Variants in SOS1 observed in about 807,000 individuals in gnomAD.
SOS1 encodes the protein SOS Ras/Rac guanine nucleotide exchange factor 1, also known as son of sevenless homolog 1.
A neutral mutation model predicts 157.6 loss-of-function variants in SOS1; 25 were observed. The observed-to-expected ratio is 0.16, with a 90% CI of 0.12 to 0.22. SOS1 has a LOEUF of 0.22. SOS1 is among the 10% of genes least tolerant of loss of function. The pLI, the probability that SOS1 is intolerant of heterozygous loss-of-function variation, is 1.00. For missense variants in SOS1, 1,237 were observed against 1,599.1 expected (o/e 0.77, Z 3.86); for synonymous variants, 528 against 534.0 (o/e 0.99, Z 0.16).
chr2:39,049,963 G>A (rs1242335778), intron 6 of SOS1, among the ~76,000 whole-genome samples: 2 of 152,148 alleles, frequency 1.3e-5, no homozygotes, highest in Non-Finnish European at 2.9e-5. Flanking sequence ...GTCCTTAACA[G>A]CCTGAACACC....
At chr2:39,046,096 G>A (rs1193905030) in intron 6 of SOS1, among the ~76,000 whole-genome samples, 1 of 152,134 alleles carries the variant, frequency 6.6e-6, no homozygotes, top group African/African-American at 2.4e-5. Context: ...AGTTACTAAT[G>A]TAGTTGGATT....
At chr2:39,097,184 G>C (rs760620301) in intron 1 of SOS1, among the ~76,000 whole-genome samples, 1 of 152,084 alleles carries the variant, frequency 6.6e-6, no homozygotes, top group Admixed American at 6.6e-5. Context: ...AGTTTTAAAA[G>C]AAATCCAACA....
At chr2:39,064,832 T>C (rs1370703035) in intron 2 of SOS1, among the ~76,000 whole-genome samples, 1 of 130,230 alleles carries the variant, frequency 7.7e-6, no homozygotes. Context: ...CACTGCAACT[T>C]CTGCCTCCCG....
intron 6 of SOS1, among the ~76,000 whole-genome samples, chr2:39,047,702 G>A (rs561421611): frequency 2.6e-5 from 4 of 152,270 alleles, no homozygotes; most frequent in East Asian, 1.9e-4. Flanking sequence ...AGACAGTCTC[G>A]CTCTGTCGCC....
At chr2:39,062,442 A>AT (rs1166999004) in intron 2 of SOS1, among the ~76,000 whole-genome samples, 1 of 150,280 alleles carries the variant, frequency 6.7e-6, no homozygotes, top group Non-Finnish European at 1.5e-5. Context: ...AATTAAAAAA[A>AT]AAAAGAAAAG....
Position 39,058,663 on chromosome 2 carries a change from TCAG to T in SOS1, c.345+7_345+9del, listed in dbSNP as rs778586670. The T allele has an allele frequency of 5.6e-6, 9 of 1,612,172 alleles. No individual in the cohort carries two copies. In the Admixed American group the frequency reaches 1.3e-4, roughly 24 times the overall value. ...CCTTAAAAGGCAAGAAGGCAGTAGT[TCAG>T]CATTACCTTTAATAAAGGATGAATT... On this transcript the variant is annotated splice_region_variant and intron_variant, in intron 3 of 22. Coordinates refer to ENST00000402219, the MANE Select transcript of SOS1 (RefSeq NM_005633.4).
intron 1 of SOS1, among the ~76,000 whole-genome samples, chr2:39,083,430 A>G (rs1016623948): frequency 3.9e-5 from 6 of 152,218 alleles, no homozygotes; most frequent in Non-Finnish European, 8.8e-5. Flanking sequence ...CAAATGTTGC[A>G]AAACGCAAAC....
At chr2:38,996,432 C>T (rs1452912541) in intron 19 of SOS1, among the ~76,000 whole-genome samples, 1 of 152,116 alleles carries the variant, frequency 6.6e-6, no homozygotes, top group African/African-American at 2.4e-5. Flanking sequence ...ATAGTCAAAT[C>T]AGTGAGTTGG....
At chr2:39,002,045 A>T (rs1004541105) in intron 17 of SOS1, among the ~76,000 whole-genome samples, 3 of 152,194 alleles carry the variant, frequency 2.0e-5, no homozygotes, top group African/African-American at 7.2e-5. Flanking sequence ...GGCCAGGCGC[A>T]GTGGCTCACG....
At chr2:39,110,068 G>GTGTGTT (rs1673364802) in intron 1 of SOS1, among the ~76,000 whole-genome samples, 182 of 148,690 alleles carry the variant, frequency 1.2e-3, no homozygotes, top group African/African-American at 4.6e-3. Flanking sequence ...GTGTGTGTGT[G>GTGTGTT]TGTGTGTGTG....
intron 6 of SOS1, among the ~76,000 whole-genome samples, chr2:39,037,178 G>C (rs1670386010): frequency 6.6e-6 from 1 of 152,168 alleles, no homozygotes; most frequent in African/African-American, 2.4e-5. Context: ...TATAACACCA[G>C]AAATTGGAGT....
rs371246542 is a variant in SOS1, at chr2:39,035,331, AT to A, written c.976-22del. On this transcript the variant is annotated intron_variant, in intron 7 of 22. Transcript: ENST00000402219. ...ATTGACTGGAAAAAAAAGTGATTTAATTTTTTTTTTAAGTTTACTTTTCAGA... is the reference window on the plus strand; with the variant it reads ...ATTGACTGGAAAAAAAAGTGATTTAATTTTTTTTTAAGTTTACTTTTCAGA... 4.8e-4 allele frequency: 754 copies of A among 1,554,836 alleles called. 3 individuals are homozygous for A. Among genetic ancestry groups the A allele is most frequent in the African/African-American group, 2.2e-3 (163 of 73,528 alleles).
rs537888641 is a variant in SOS1 at position 39,075,441 on chromosome 2, T to G, written c.88-7688A>C. Reference sequence around the variant, plus strand: ...TTTTTTTATCAAGTGGCTCCTAAATTTTTTCAGCCTTTTTTTCTCCTCTAA... The same window carrying G: ...TTTTTTTATCAAGTGGCTCCTAAATGTTTTCAGCCTTTTTTTCTCCTCTAA... On this transcript the variant is annotated intron_variant, in intron 1 of 22. Coordinates refer to ENST00000402219, the MANE Select transcript of SOS1 (RefSeq NM_005633.4). 6.6e-5 allele frequency among the ~76,000 whole-genome samples: 10 copies of G among 152,198 alleles called. No individual in the cohort carries two copies. In the South Asian group the frequency reaches 2.1e-3, roughly 32 times the overall value.
At chr2:38,986,970 GAAA>G (rs906507334) in intron 22 of SOS1, among the ~76,000 whole-genome samples, 5 of 148,626 alleles carry the variant, frequency 3.4e-5, no homozygotes, top group African/African-American at 1.3e-4. Context: ...TGGCCAAAAA[GAAA>G]AAAACAAAAT....
chr2:39,031,627 A>AGC (rs1247955716), intron 8 of SOS1, among the ~76,000 whole-genome samples: 1 of 152,048 alleles, frequency 6.6e-6, no homozygotes, highest in East Asian at 1.9e-4. Flanking sequence ...CTACTTGGGA[A>AGC]GCAGGAGAAT....
chr2:38,986,896 C>A (rs1668576200), intron 22 of SOS1, among the ~76,000 whole-genome samples: 1 of 152,054 alleles, frequency 6.6e-6, no homozygotes, highest in African/African-American at 2.4e-5. Flanking sequence ...AGTGTCTTGT[C>A]TTGACTTATC....
At chr2:38,995,035 A>G (rs1456162080) in intron 20 of SOS1, 88 bp downstream of exon 20, 1 of 1,108,000 alleles carries the variant, frequency 9.0e-7, no homozygotes, top group African/African-American at 1.6e-5. Flanking sequence ...AAGTTCACAC[A>G]TACAAAAAAA....
At chr2:39,110,794 G>A (rs946110491) in intron 1 of SOS1, among the ~76,000 whole-genome samples, 1 of 152,158 alleles carries the variant, frequency 6.6e-6, no homozygotes, top group African/African-American at 2.4e-5. Context: ...ACATATATTT[G>A]ACTCCATCAG....
At chr2:39,091,169 A>C (rs297139) in intron 1 of SOS1, among the ~76,000 whole-genome samples, 2 of 152,156 alleles carry the variant, frequency 1.3e-5, no homozygotes, top group Non-Finnish European at 2.9e-5. Flanking sequence ...AGGCCTGGCC[A>C]AGCATTTGGT....
Sources: allele counts gnomAD v4.1 joint callset (sites outside exome capture counted in the v4.1 genomes callset), GRCh38; gene constraint gnomAD v4.1.1; transcripts MANE v1.5; gene names NCBI Gene and HGNC (gene_info 2026-07-23, HGNC 2026-07-21).